KCNN2: variants seen among roughly 807,000 people sequenced by gnomAD.
KCNN2 encodes small conductance calcium-activated potassium channel protein 2.
In KCNN2, 24 loss-of-function variants were observed where a neutral mutation model predicts 55.5. That is an observed-to-expected ratio of 0.43 (90% CI 0.31 to 0.61). KCNN2 has a LOEUF of 0.61. KCNN2 is among the 20% of genes least tolerant of loss of function. The pLI is 0.08. For synonymous variants in KCNN2, 431 were observed against 336.1 expected (o/e 1.28, Z -3.09); for missense variants, 754 against 853.6 (o/e 0.88, Z 1.45).
intron 2 of KCNN2, among the ~76,000 whole-genome samples, chr5:114,355,958 T>A (rs75107465): frequency 0.018 from 2,672 of 152,220 alleles, 58 homozygotes; most frequent in Non-Finnish European, 0.028. Context: ...CACAAATTAT[T>A]CTGTTGATCA....
At chr5:114,096,205 T>A (rs1270753497) in intron 1 of KCNN2, among the ~76,000 whole-genome samples, 1 of 152,150 alleles carries the variant, frequency 6.6e-6, no homozygotes, top group Non-Finnish European at 1.5e-5. Context: ...CTACCCAGCA[T>A]GAGTACCTTT....
chr5:114,222,129 T>C (rs556636185), intron 2 of KCNN2, among the ~76,000 whole-genome samples: 5 of 152,194 alleles, frequency 3.3e-5, no homozygotes, highest in African/African-American at 7.2e-5. Flanking sequence ...AGTGAAAGTA[T>C]ATCCAAAGCA....
At chr5:114,155,069 T>G (rs1752602241) in intron 1 of KCNN2, among the ~76,000 whole-genome samples, 1 of 152,038 alleles carries the variant, frequency 6.6e-6, no homozygotes, top group Admixed American at 6.6e-5. Context: ...CCCCAGTCTG[T>G]GTTGTTCCCA....
At chr5:114,437,601 A>G (rs756298680) in intron 3 of KCNN2, among the ~76,000 whole-genome samples, 7 of 152,206 alleles carry the variant, frequency 4.6e-5, no homozygotes, top group Admixed American at 6.5e-5. Flanking sequence ...TTATATTGAC[A>G]GGTTTGGGGA....
intron 3 of KCNN2, among the ~76,000 whole-genome samples, chr5:114,436,376 G>A (rs370460718): frequency 2.0e-5 from 3 of 152,172 alleles, no homozygotes; most frequent in African/African-American, 4.8e-5. Context: ...CAGTTCAACT[G>A]ATTCTTTTTG....
At chr5:114,163,356 C>T (rs1752835719) in intron 1 of KCNN2, among the ~76,000 whole-genome samples, 1 of 152,060 alleles carries the variant, frequency 6.6e-6, no homozygotes, top group Non-Finnish European at 1.5e-5. Flanking sequence ...AAAGGGCATC[C>T]TTGTGGCAAT....
At chr5:114,119,668 T>C (rs1751786972) in intron 1 of KCNN2, among the ~76,000 whole-genome samples, 1 of 152,136 alleles carries the variant, frequency 6.6e-6, no homozygotes, top group Non-Finnish European at 1.5e-5. Flanking sequence ...TCTTCAAGAC[T>C]CTGTTTAAGA....
chr5:114,463,390 G>A (rs1761297732), intron 4 of KCNN2, among the ~76,000 whole-genome samples, 200 bp downstream of exon 4: 1 of 152,200 alleles, frequency 6.6e-6, no homozygotes, highest in South Asian at 2.1e-4. Context: ...CTGTTGAAGA[G>A]GTAGAGCTGT....
At chr5:114,245,598 T>G (rs913753548) in intron 2 of KCNN2, among the ~76,000 whole-genome samples, 2 of 152,200 alleles carry the variant, frequency 1.3e-5, no homozygotes, top group Non-Finnish European at 2.9e-5. Context: ...ATGAATTGCT[T>G]GCCTGTCTGT....
chr5:114,218,374 T>G (rs948076533), intron 1 of KCNN2, among the ~76,000 whole-genome samples: 1 of 152,162 alleles, frequency 6.6e-6, no homozygotes, highest in African/African-American at 2.4e-5. Context: ...AAATAAACTA[T>G]GGTATATCCA....
intron 1 of KCNN2, among the ~76,000 whole-genome samples, chr5:114,104,325 T>C (rs1751435283): frequency 1.3e-5 from 2 of 152,136 alleles, no homozygotes; most frequent in Non-Finnish European, 2.9e-5. Flanking sequence ...TTTTCTTCTT[T>C]ATTAGTCTGG....
At chr5:114,340,973 A>G (rs917693002) in intron 2 of KCNN2, among the ~76,000 whole-genome samples, 5 of 152,202 alleles carry the variant, frequency 3.3e-5, no homozygotes, top group African/African-American at 1.2e-4. Flanking sequence ...AACTTGGCAT[A>G]ATGTTTCCCA....
intron 1 of KCNN2, among the ~76,000 whole-genome samples, chr5:114,185,787 G>A (rs1580599647): frequency 1.3e-5 from 2 of 152,168 alleles, no homozygotes; most frequent in East Asian, 3.9e-4. Flanking sequence ...CAAGGAATTT[G>A]ACTAATGACA....
intron 2 of KCNN2, among the ~76,000 whole-genome samples, chr5:114,236,746 G>A (rs1754502789): frequency 6.6e-6 from 1 of 152,010 alleles, no homozygotes; most frequent in African/African-American, 2.4e-5. Context: ...TGTGAAATGT[G>A]AAATATTTTT....
At chr5:114,309,924 A>C (rs1756363308) in intron 2 of KCNN2, among the ~76,000 whole-genome samples, 1 of 152,182 alleles carries the variant, frequency 6.6e-6, no homozygotes, top group African/African-American at 2.4e-5. Flanking sequence ...TGGAATGGCA[A>C]CAGGTGGAGA....
At chr5:114,148,658 C>T (rs951905307) in intron 1 of KCNN2, among the ~76,000 whole-genome samples, 1 of 152,034 alleles carries the variant, frequency 6.6e-6, no homozygotes, top group African/African-American at 2.4e-5. Flanking sequence ...AGAAACAGGC[C>T]ATTCAGATGA....
chr5:114,266,820 TCA>T (rs1755215840), intron 2 of KCNN2, among the ~76,000 whole-genome samples: 1 of 152,164 alleles, frequency 6.6e-6, no homozygotes, highest in South Asian at 2.1e-4. Context: ...TGTATTCTGC[TCA>T]CAGTTCCCAC....
chr5:114,250,368 A>G (rs758047820), intron 2 of KCNN2, among the ~76,000 whole-genome samples: 10 of 152,084 alleles, frequency 6.6e-5, no homozygotes, highest in Non-Finnish European at 1.5e-4. Flanking sequence ...TTCTAAGCCC[A>G]CTCAGATAGG....
chr5:114,133,925 A>T (rs1357114975), intron 1 of KCNN2, among the ~76,000 whole-genome samples: 1 of 152,192 alleles, frequency 6.6e-6, no homozygotes, highest in Non-Finnish European at 1.5e-5. Context: ...TATTATACAG[A>T]GGCAGCTTGT....
Sources: gnomAD v4.1 joint callset for allele counts (sites outside exome capture counted in the v4.1 genomes callset) on GRCh38, gnomAD v4.1.1 for gene constraint, MANE v1.5 for transcripts, NCBI Gene and HGNC (gene_info 2026-07-23, HGNC 2026-07-21) for gene names.